Variants in SVIP observed in about 807,000 individuals in gnomAD.
The protein encoded by SVIP is small VCP interacting protein.
In SVIP, 14 loss-of-function variants were observed where a neutral mutation model predicts 12.9. The observed-to-expected ratio is 1.08, with a 90% CI of 0.72 to 1.70. The LOEUF is 1.70. Among genes scored for constraint, SVIP ranks in the 40% most tolerant of loss-of-function variants. The pLI is 0.00. For missense variants in SVIP, 93 were observed against 90.8 expected (o/e 1.02, Z -0.10); for synonymous variants, 35 against 33.3 (o/e 1.05, Z -0.17).
chr11:22,820,540 A>C lies in SVIP; in HGVS notation c.*2579T>G, dbSNP rs1403041569. 6.6e-6 allele frequency: 1 copy of C among 152,170 alleles called. No homozygotes were observed. The highest frequency in any genetic ancestry group is 2.4e-5 in the African/African-American group (1 of 41,430). The allele number at this position is 152,170 out of a possible 1,614,324, so 9.4% of individuals were successfully genotyped here. ...GTTCCTGAGGTTTCCCTAACCACCA[A>C]CTCAGGTTCTAAGTATTTAGGATGT... is the stretch of plus-strand genomic sequence containing the variant. On this transcript the variant is annotated 3_prime_UTR_variant, in exon 4 of 4. Coordinates refer to ENST00000354193, the MANE Select transcript of SVIP (RefSeq NM_148893.3).
chr11:22,826,698 G>C (rs1327247177), intron 3 of SVIP, among the ~76,000 whole-genome samples: 1 of 152,026 alleles, frequency 6.6e-6, no homozygotes, highest in Non-Finnish European at 1.5e-5. Context: ...ACCCACACCT[G>C]TATACATTCT....
chr11:22,820,226 A>T lies in SVIP; in HGVS notation c.*2893T>A, dbSNP rs907351797. On this transcript the variant is annotated 3_prime_UTR_variant, in exon 4 of 4. Transcript: ENST00000354193. ...GTCTATTCATGCAGAAATTATTCAA[A>T]ACTGGCAAGAGCTGCTTTTGTCTTC... is the stretch of plus-strand genomic sequence containing the variant. 1 of 152,208 alleles carries T rather than the reference A, an allele frequency of 6.6e-6. No individual in the cohort carries two copies. Among genetic ancestry groups the T allele is most frequent in the Admixed American group, 6.5e-5 (1 of 15,280 alleles). The allele number at this position is 152,208 out of a possible 1,614,324, so 9.4% of individuals were successfully genotyped here. A position where few individuals can be genotyped will look rare whatever the true frequency, so the allele number is the denominator to read the frequency against.
rs1268570704 is a variant in SVIP at position 22,820,484 on chromosome 11, T to C, written c.*2635A>G. On this transcript the variant is annotated 3_prime_UTR_variant, in exon 4 of 4. Transcript: ENST00000354193. ...ACACACCAAACAACCTTTGGTTCTG[T>C]TGCTCTTCTGAATCCCAATGTGATT... is the stretch of plus-strand genomic sequence containing the variant. 2.0e-5 allele frequency: 3 copies of C among 152,346 alleles called. No homozygotes were observed. Among genetic ancestry groups the C allele is most frequent in the Admixed American group, 2.0e-4 (3 of 15,308 alleles). The allele number at this position is 152,346 out of a possible 1,614,324, so 9.4% of individuals were successfully genotyped here.
At chr11:22,827,450 T>C (rs1198041915) in intron 2 of SVIP, 130 bp from the exon 3 acceptor site, 23 of 717,908 alleles carry the variant, frequency 3.2e-5, no homozygotes, top group Admixed American at 5.9e-5. Flanking sequence ...TTTGGTAACA[T>C]AGAAGGAGTG....
At chr11:22,826,127 T>C (rs758568600) in intron 3 of SVIP, among the ~76,000 whole-genome samples, 10 of 152,192 alleles carry the variant, frequency 6.6e-5, no homozygotes, top group African/African-American at 1.2e-4. Context: ...TAATTATATA[T>C]TGCTAAAAGT....
At chr11:22,824,433 TATAC>T (rs545146418) in intron 3 of SVIP, among the ~76,000 whole-genome samples, 6 of 121,950 alleles carry the variant, frequency 4.9e-5, no homozygotes, top group Non-Finnish European at 1.1e-4. Flanking sequence ...TATATATATA[TATAC>T]ACACACACAT....
rs562903964 is a variant in SVIP, at chr11:22,821,363, T to G, written c.*1756A>C. On this transcript the variant is annotated 3_prime_UTR_variant, in exon 4 of 4. Coordinates refer to ENST00000354193, the MANE Select transcript of SVIP (RefSeq NM_148893.3). ...ATGGTTGGAAGTAACATGTTCCACT[T>G]TTCACGAAAAGTAATAGATCTGAAT... 1 of 152,062 alleles carries G rather than the reference T, an allele frequency of 6.6e-6. No homozygotes were observed. The highest frequency in any genetic ancestry group is 2.1e-4 in the South Asian group (1 of 4,818). The allele number at this position is 152,062 out of a possible 1,614,324, so 9.4% of individuals were successfully genotyped here.
intron 2 of SVIP, 96 bp downstream of exon 2, chr11:22,827,728 G>A: frequency 2.2e-6 from 2 of 919,474 alleles, no homozygotes; most frequent in Non-Finnish European, 3.2e-6. Flanking sequence ...GGATATCAAA[G>A]GCCATTTGCG....
chr11:22,824,443 C>CATATATATATATAT (rs1211029468), intron 3 of SVIP, among the ~76,000 whole-genome samples: 2 of 111,190 alleles, frequency 1.8e-5, no homozygotes, highest in Admixed American at 2.0e-4. Context: ...TATACACACA[C>CATATATATATATAT]ACATATATAT....
At chr11:22,825,214 C>A (rs1369208205) in intron 3 of SVIP, among the ~76,000 whole-genome samples, 1 of 152,020 alleles carries the variant, frequency 6.6e-6, no homozygotes, top group Non-Finnish European at 1.5e-5. Flanking sequence ...TTCAGGCCAG[C>A]CCATGAAACA....
rs1317093737 is a variant in SVIP, at chr11:22,822,605, T to G, written c.*514A>C. 6.6e-6 allele frequency: 1 copy of G among 152,236 alleles called. No individual in the cohort carries two copies. Among genetic ancestry groups the G allele is most frequent in the Non-Finnish European group, 1.5e-5 (1 of 68,054 alleles). The allele number at this position is 152,236 out of a possible 1,614,324, so 9.4% of individuals were successfully genotyped here. ...ATACTCATTACTAAGTTATAAAAAT[T>G]TACAGTGCTCCTTCACATCAGCCCT... On this transcript the variant is annotated 3_prime_UTR_variant, in exon 4 of 4. Coordinates refer to ENST00000354193, the MANE Select transcript of SVIP (RefSeq NM_148893.3).
intron 1 of SVIP, chr11:22,829,401 G>A: frequency 2.9e-6 from 1 of 339,460 alleles, no homozygotes; most frequent in Non-Finnish European, 5.4e-6. Flanking sequence ...CTCTGCGTGC[G>A]CCGGCGCCCT....
chr11:22,826,420 C>A (rs1857706170), intron 3 of SVIP, among the ~76,000 whole-genome samples: 1 of 152,052 alleles, frequency 6.6e-6, no homozygotes, highest in African/African-American at 2.4e-5. Flanking sequence ...ACTCATAAAT[C>A]ATTGACAAGT....
chr11:22,827,820 T>C lies in SVIP; in HGVS notation c.105+4A>G, dbSNP rs990314622. The C allele has an allele frequency of 8.2e-6, 13 of 1,578,918 alleles. No individual in the cohort carries two copies. The Admixed American group carries it at 1.1e-4, about 13-fold the overall frequency. On this transcript the variant is annotated splice_donor_region_variant and intron_variant, in intron 2 of 3. Coordinates refer to ENST00000354193, the MANE Select transcript of SVIP (RefSeq NM_148893.3). Reference sequence around the variant, plus strand: ...AGTAGGCAAAACTTGATCTTTAATCTTACCTCTTTTTGTCTTCTCTCTGCA... The same window carrying C: ...AGTAGGCAAAACTTGATCTTTAATCCTACCTCTTTTTGTCTTCTCTCTGCA...
chr11:22,823,712 C>T (rs897231224), intron 3 of SVIP, among the ~76,000 whole-genome samples: 6 of 152,080 alleles, frequency 3.9e-5, no homozygotes, highest in Non-Finnish European at 8.8e-5. Context: ...ACTCACTCCA[C>T]GTTAAATGTT....
chr11:22,824,513 CAT>C (rs934209470), intron 3 of SVIP, among the ~76,000 whole-genome samples: 114 of 145,648 alleles, frequency 7.8e-4, no homozygotes, highest in African/African-American at 2.6e-3. Context: ...TATATACACA[CAT>C]ATATATATAA....
chr11:22,823,053 T>C lies in SVIP; in HGVS notation c.*66A>G. The C allele has an allele frequency of 7.4e-7, 1 of 1,357,556 alleles. No individual in the cohort carries two copies. The highest frequency in any genetic ancestry group is 1.0e-6 in the Non-Finnish European group (1 of 985,518). 84.1% of individuals were successfully genotyped at this position (1,357,556 alleles called of 1,614,324 possible). ...ACTCAAAGAGAAGAAATTAAATTGA[T>C]GAAGCCCACTTGATTGCAGATAATA... On this transcript the variant is annotated 3_prime_UTR_variant, in exon 4 of 4. Coordinates refer to ENST00000354193, the MANE Select transcript of SVIP (RefSeq NM_148893.3).
Position 22,823,023 on chromosome 11 carries a change from C to T in SVIP, c.*96G>A. 9.0e-7 allele frequency: 1 copy of T among 1,105,472 alleles called. No homozygotes were observed. The highest frequency in any genetic ancestry group is 1.3e-6 in the Non-Finnish European group (1 of 785,268). The allele number at this position is 1,105,472 out of a possible 1,614,324, so 68.5% of individuals were successfully genotyped here. The stretch of plus-strand genomic sequence containing the variant: ...AATAATATTACAAAGTCTGAATCTT[C>T]ATTTACTCAAAGAGAAGAAATTAAA... On this transcript the variant is annotated 3_prime_UTR_variant, in exon 4 of 4. Coordinates refer to ENST00000354193, the MANE Select transcript of SVIP (RefSeq NM_148893.3).
chr11:22,819,815 TATA>T lies in SVIP; in HGVS notation c.*3301_*3303del, dbSNP rs1206779979. The stretch of plus-strand genomic sequence containing the variant: ...CAAAAAAAGCCAATGCAATTCAGGA[TATA>T]ATAACAAAAAAGTATGATATCCACA... On this transcript the variant is annotated 3_prime_UTR_variant, in exon 4 of 4. Coordinates refer to ENST00000354193, the MANE Select transcript of SVIP (RefSeq NM_148893.3). The T allele has an allele frequency of 3.3e-5, 5 of 152,202 alleles. No individual in the cohort carries two copies. The highest frequency in any genetic ancestry group is 9.7e-5 in the African/African-American group (4 of 41,416). 9.4% of individuals were successfully genotyped at this position (152,202 alleles called of 1,614,324 possible). A position where few individuals can be genotyped will look rare whatever the true frequency, so the allele number is the denominator to read the frequency against.
Sources: allele counts gnomAD v4.1 joint callset (sites outside exome capture counted in the v4.1 genomes callset), GRCh38; gene constraint gnomAD v4.1.1; transcripts MANE v1.5; gene names NCBI Gene and HGNC (gene_info 2026-07-23, HGNC 2026-07-21).